Variants in CHCHD6 observed in about 807,000 individuals in gnomAD.
The protein encoded by CHCHD6 is MICOS complex subunit MIC25.
A neutral mutation model predicts 32.3 loss-of-function variants in CHCHD6; 28 were observed. That is an observed-to-expected ratio of 0.87 (90% CI 0.64 to 1.19). The LOEUF (loss-of-function observed/expected upper bound fraction) is 1.19. Among genes scored for constraint, CHCHD6 ranks in the 50% most tolerant of loss-of-function variants. The pLI, the probability that CHCHD6 is intolerant of heterozygous loss-of-function variation, is 0.00. For missense variants in CHCHD6, 333 were observed against 307.0 expected (o/e 1.08, Z -0.63); for synonymous variants, 122 against 117.5 (o/e 1.04, Z -0.25).
intron 4 of CHCHD6, among the ~76,000 whole-genome samples, chr3:126,812,001 G>C (rs1939674689): frequency 6.6e-6 from 1 of 152,140 alleles, no homozygotes; most frequent in South Asian, 2.1e-4. Context: ...GCTGCTTGTG[G>C]TGAGGGCAAG....
chr3:126,843,743 T>C (rs2107548084), intron 4 of CHCHD6, among the ~76,000 whole-genome samples: 1 of 152,354 alleles, frequency 6.6e-6, no homozygotes, highest in South Asian at 2.1e-4. Flanking sequence ...CAATTACATG[T>C]ATGCTAGACC....
intron 4 of CHCHD6, among the ~76,000 whole-genome samples, chr3:126,800,030 T>C (rs1013481290): frequency 1.3e-5 from 2 of 152,234 alleles, no homozygotes; most frequent in Admixed American, 6.5e-5. Flanking sequence ...ATATACTTAT[T>C]TCCTGTTTTT....
At position 126,755,763 on chromosome 3, in the gene CHCHD6, T is replaced by C. The variant is rs527280483; in HGVS notation, c.411+22541T>C. Among the ~76,000 whole-genome samples, 3 of 152,322 alleles carry C rather than the reference T, an allele frequency of 2.0e-5. No individual in the cohort carries two copies. The East Asian group carries it at 5.8e-4, about 29-fold the overall frequency. ...TATGAGATGGGAATGAAGTCAAGGCTTCTACCTTCTTATTGTGAAATATCC... is the reference window on the plus strand; with the variant it reads ...TATGAGATGGGAATGAAGTCAAGGCCTCTACCTTCTTATTGTGAAATATCC... On this transcript the variant is annotated intron_variant, in intron 4 of 7. Transcript: ENST00000290913.
Position 126,905,410 on chromosome 3 carries a change from G to A in CHCHD6, c.496-9270G>A, listed in dbSNP as rs1411096939. ...TTCTTGGGTAGATAGGGAAGAATTA[G>A]CAGAGGAAAGAACATCTAGAACATC... On this transcript the variant is annotated intron_variant, in intron 5 of 7. Transcript: ENST00000290913. Among the ~76,000 whole-genome samples, 3 of 152,188 alleles carry A rather than the reference G, an allele frequency of 2.0e-5. 1 individual carries two copies. The highest frequency in any genetic ancestry group is 7.2e-5 in the African/African-American group (3 of 41,434).
At chr3:126,864,580 C>T (rs1942167572) in intron 5 of CHCHD6, among the ~76,000 whole-genome samples, 2 of 146,192 alleles carry the variant, frequency 1.4e-5, no homozygotes, top group South Asian at 4.3e-4. Flanking sequence ...CCACCTCCTT[C>T]TCCACCTCCA....
At chr3:126,843,481 T>A (rs1217304867) in intron 4 of CHCHD6, among the ~76,000 whole-genome samples, 2 of 152,220 alleles carry the variant, frequency 1.3e-5, no homozygotes, top group African/African-American at 4.8e-5. Flanking sequence ...TGAAGCCATC[T>A]GGACTGGGAA....
At chr3:126,868,910 A>C (rs2077426352) in intron 5 of CHCHD6, among the ~76,000 whole-genome samples, 1 of 152,242 alleles carries the variant, frequency 6.6e-6, no homozygotes, top group South Asian at 2.1e-4. Context: ...TTTGGTTGCC[A>C]GATTGCCATG....
intron 4 of CHCHD6, among the ~76,000 whole-genome samples, chr3:126,738,290 T>C (rs1936140010): frequency 6.6e-6 from 1 of 152,212 alleles, no homozygotes; most frequent in South Asian, 2.1e-4. Flanking sequence ...CACTGTACTA[T>C]GTCGTTTTAT....
intron 4 of CHCHD6, among the ~76,000 whole-genome samples, chr3:126,795,051 G>A (rs1938728361): frequency 6.6e-6 from 1 of 152,144 alleles, no homozygotes; most frequent in South Asian, 2.1e-4. Context: ...AAGGAGGTAT[G>A]CCTCTCCTGA....
chr3:126,795,258 A>T (rs1938739211), intron 4 of CHCHD6, among the ~76,000 whole-genome samples: 2 of 152,184 alleles, frequency 1.3e-5, no homozygotes, highest in African/African-American at 4.8e-5. Context: ...TTTTCCCTAA[A>T]ACAGGGTATT....
intron 5 of CHCHD6, among the ~76,000 whole-genome samples, chr3:126,861,608 C>A (rs1445084097): frequency 6.6e-6 from 1 of 151,576 alleles, no homozygotes. Context: ...ACCATTACCA[C>A]CTCCTCCTCC....
intron 5 of CHCHD6, among the ~76,000 whole-genome samples, chr3:126,887,768 G>T (rs532484146): frequency 1.3e-5 from 2 of 152,324 alleles, no homozygotes; most frequent in African/African-American, 4.8e-5. Flanking sequence ...GCAGCATAGG[G>T]ACTACCCAGG....
At chr3:126,889,726 T>A (rs1209653665) in intron 5 of CHCHD6, among the ~76,000 whole-genome samples, 2 of 152,232 alleles carry the variant, frequency 1.3e-5, no homozygotes, top group Admixed American at 6.5e-5. Context: ...TGCCTTTTTA[T>A]ACCTCCTTCC....
intron 5 of CHCHD6, among the ~76,000 whole-genome samples, chr3:126,871,090 C>T (rs970223633): frequency 2.0e-5 from 3 of 152,136 alleles, no homozygotes; most frequent in Admixed American, 6.5e-5. Context: ...CCCTGACATA[C>T]GTTCCAATTC....
intron 4 of CHCHD6, among the ~76,000 whole-genome samples, chr3:126,792,448 T>C (rs537874150): frequency 6.6e-6 from 1 of 152,242 alleles, no homozygotes; most frequent in Non-Finnish European, 1.5e-5. Flanking sequence ...TGATGTGTTA[T>C]TTTATTTTCA....
chr3:126,843,725 CAAGAG>C (rs1257150518), intron 4 of CHCHD6, among the ~76,000 whole-genome samples: 1 of 152,158 alleles, frequency 6.6e-6, no homozygotes, highest in African/African-American at 2.4e-5. Context: ...TGTCTCCTCC[CAAGAG>C]TTCAATTACA....
chr3:126,730,419 G>A (rs536187921), intron 2 of CHCHD6, 142 bp from the exon 3 acceptor site: 4 of 646,622 alleles, frequency 6.2e-6, no homozygotes, highest in South Asian at 2.1e-5. Flanking sequence ...CCCTGTGGAC[G>A]CTCCTTTGTG....
chr3:126,809,008 G>T (rs1939539288), intron 4 of CHCHD6, among the ~76,000 whole-genome samples: 3 of 150,934 alleles, frequency 2.0e-5, no homozygotes, highest in African/African-American at 7.3e-5. Context: ...GTCTTGCTCT[G>T]TTACCTAGGC....
chr3:126,868,569 T>A (rs1397959360), intron 5 of CHCHD6, among the ~76,000 whole-genome samples: 1 of 152,062 alleles, frequency 6.6e-6, no homozygotes, highest in African/African-American at 2.4e-5. Context: ...CCTAGAGAGG[T>A]AACCATTGTA....
Sources: allele counts gnomAD v4.1 joint callset (sites outside exome capture counted in the v4.1 genomes callset), GRCh38; gene constraint gnomAD v4.1.1; transcripts MANE v1.5; gene names NCBI Gene and HGNC (gene_info 2026-07-23, HGNC 2026-07-21).